Variants in CCDC158 observed in about 807,000 individuals in gnomAD.
CCDC158 encodes the protein coiled-coil domain-containing protein 158.
A neutral mutation model predicts 138.6 loss-of-function variants in CCDC158; 116 were observed. The observed-to-expected ratio is 0.84, with a 90% CI of 0.72 to 0.98. The LOEUF is 0.98. Ranked by LOEUF, CCDC158 falls within the 50% of genes least tolerant of loss-of-function variation. The probability of loss-of-function intolerance (pLI) is 0.00; values close to 1 mark genes in which losing one functional copy is unlikely to be tolerated. For synonymous variants in CCDC158, 436 were observed against 442.4 expected, an observed-to-expected ratio of 0.99 and a Z score of 0.18; for missense variants, 1,265 against 1,306.1, an observed-to-expected ratio of 0.97 and a Z score of 0.48.
chr4:76,351,849 T>C (rs772946405), intron 16 of CCDC158, 37 bp from the exon 17 acceptor site: 1 of 1,276,820 alleles, frequency 7.8e-7, no homozygotes, highest in Non-Finnish European at 1.1e-6. Context: ...TTATCTTGCA[T>C]TCTTTATGCA....
intron 13 of CCDC158, among the ~76,000 whole-genome samples, chr4:76,359,253 C>CT (rs1723891799): frequency 6.6e-6 from 1 of 152,160 alleles, no homozygotes; most frequent in Non-Finnish European, 1.5e-5. Context: ...TCACAAATTA[C>CT]TCATTCTCAG....
At position 76,357,331 on chromosome 4, in the gene CCDC158, A is replaced by C. The variant is rs984561291; in HGVS notation, c.2173+43T>G. On this transcript the variant is annotated intron_variant, in intron 14 of 24. Transcript: ENST00000682701. ...CTGTTTTAACAAATTTAGTCCATTA[A>C]ATTAAAAACAGAAGAAAAAATTTTA... The C allele has an allele frequency of 2.1e-6, 3 of 1,396,502 alleles. No individual in the cohort carries two copies. The African/African-American group carries it at 4.4e-5, about 20-fold the overall frequency. 86.5% of individuals were successfully genotyped at this position (1,396,502 alleles called of 1,614,324 possible).
At chr4:76,326,234 T>C (rs1720519223) in intron 22 of CCDC158, among the ~76,000 whole-genome samples, 1 of 152,110 alleles carries the variant, frequency 6.6e-6, no homozygotes, top group Non-Finnish European at 1.5e-5. Context: ...GATCCTGAGG[T>C]CTAGCTTCAA....
chr4:76,367,379 C>A lies in CCDC158; in HGVS notation c.1745G>T (p.Gly582Val). The A allele has an allele frequency of 1.2e-6, 2 of 1,614,238 alleles. No individual in the cohort carries two copies. Among genetic ancestry groups the A allele is most frequent in the South Asian group, 2.2e-5 (2 of 91,090 alleles). Residue 582 changes from glycine to valine, a missense_variant, in exon 12 of 25, where the codon GGA becomes GTA. Transcript: ENST00000682701. ...TACTTGCATAGCTCCAGCAGTTCGT[C>A]CATGCTGGCCCACCAGCTGTGTCAT... ...ENMTQLVGQH[G>V]RTAGAMQVEK... is the part of the protein sequence containing the mutation.
At chr4:76,330,392 A>G (rs1720907035) in intron 21 of CCDC158, among the ~76,000 whole-genome samples, 1 of 152,242 alleles carries the variant, frequency 6.6e-6, no homozygotes, top group Admixed American at 6.5e-5. Context: ...AAGAATTTTT[A>G]TTAAGAATAA....
At chr4:76,388,443 G>A (rs543430540) in intron 4 of CCDC158, among the ~76,000 whole-genome samples, 1 of 152,292 alleles carries the variant, frequency 6.6e-6, no homozygotes, top group South Asian at 2.1e-4. Flanking sequence ...CATCAGTGGT[G>A]GCCTGGCAGA....
intron 24 of CCDC158, among the ~76,000 whole-genome samples, chr4:76,321,685 T>C (rs1300957063): frequency 6.8e-6 from 1 of 146,706 alleles, no homozygotes; most frequent in Non-Finnish European, 1.5e-5. Flanking sequence ...TATATATATA[T>C]ATTTACATGG....
intron 13 of CCDC158, among the ~76,000 whole-genome samples, chr4:76,361,358 C>T (rs7663571): frequency 0.029 from 4,469 of 152,114 alleles, 220 homozygotes; most frequent in African/African-American, 0.1. Context: ...GTCAGGAGAT[C>T]GAGACCATCC....
intron 1 of CCDC158, among the ~76,000 whole-genome samples, chr4:76,420,602 C>T (rs1038712267): frequency 1.3e-5 from 2 of 152,226 alleles, no homozygotes; most frequent in African/African-American, 4.8e-5. Flanking sequence ...GCTGTCCTCT[C>T]TACCACCAAG....
intron 21 of CCDC158, among the ~76,000 whole-genome samples, chr4:76,329,784 A>G (rs1331269788): frequency 6.6e-6 from 1 of 152,132 alleles, no homozygotes; most frequent in Non-Finnish European, 1.5e-5. Context: ...TCATTATGAT[A>G]TCAGGTTGTT....
Position 76,384,222 on chromosome 4 carries a change from C to T in CCDC158, c.592G>A (p.Glu198Lys). 12 of 1,614,140 alleles carry T rather than the reference C, an allele frequency of 7.4e-6. No individual in the cohort carries two copies. The highest frequency in any genetic ancestry group is 1.0e-5 in the Non-Finnish European group (12 of 1,180,000). Residue 198 changes from glutamate to lysine, a missense_variant, in exon 6 of 25, where the codon GAA (glutamate) becomes AAA (lysine). Coordinates refer to ENST00000682701, the MANE Select transcript of CCDC158 (RefSeq NM_001394954.1). Reference sequence around the variant, plus strand: ...TCACATATTTTTTTGCCTGAGGCTTCTTCAAAGTCAACTAGGATTGACCGG... The same window carrying T: ...TCACATATTTTTTTGCCTGAGGCTTTTTCAAAGTCAACTAGGATTGACCGG... ...EIRSILVDFE[E>K]ASGKKICEHD...
At chr4:76,388,228 C>T (rs747332837) in intron 4 of CCDC158, among the ~76,000 whole-genome samples, 6 of 152,074 alleles carry the variant, frequency 3.9e-5, no homozygotes, top group Non-Finnish European at 8.8e-5. Flanking sequence ...GTCTTACACC[C>T]TAGGTACCAG....
chr4:76,329,453 G>A (rs111350755), intron 21 of CCDC158, among the ~76,000 whole-genome samples: 2,957 of 152,128 alleles, frequency 0.019, 92 homozygotes, highest in African/African-American at 0.065. Context: ...GCGAGGTGGC[G>A]GGAACCTGTA....
chr4:76,364,593 T>G (rs1190935012), intron 12 of CCDC158, among the ~76,000 whole-genome samples: 3 of 152,266 alleles, frequency 2.0e-5, no homozygotes, highest in Middle Eastern at 3.2e-3. Context: ...AATTTCACAT[T>G]TCTTTTATGT....
intron 1 of CCDC158, among the ~76,000 whole-genome samples, chr4:76,415,951 A>G (rs1014923862): frequency 2.6e-5 from 4 of 152,186 alleles, no homozygotes; most frequent in Admixed American, 1.3e-4. Context: ...GGAGGGCCTG[A>G]CAGGCCCGCC....
intron 4 of CCDC158, among the ~76,000 whole-genome samples, chr4:76,394,051 C>T (rs1363657354): frequency 6.6e-6 from 1 of 152,038 alleles, no homozygotes; most frequent in Non-Finnish European, 1.5e-5. Context: ...TTAGTACAGC[C>T]ACTATAAAGA....
chr4:76,315,219 C>A (rs973193448), intron 24 of CCDC158, among the ~76,000 whole-genome samples: 1 of 152,114 alleles, frequency 6.6e-6, no homozygotes, highest in East Asian at 1.9e-4. Flanking sequence ...ACTCCACTGG[C>A]CCAAGAACCA....
intron 21 of CCDC158, among the ~76,000 whole-genome samples, chr4:76,330,022 T>G (rs1720881374): frequency 1.3e-5 from 2 of 152,234 alleles, no homozygotes; most frequent in Non-Finnish European, 2.9e-5. Flanking sequence ...TTTCATAATT[T>G]CAGAATAAAG....
At chr4:76,418,004 C>G (rs1729831664) in intron 1 of CCDC158, among the ~76,000 whole-genome samples, 1 of 152,156 alleles carries the variant, frequency 6.6e-6, no homozygotes, top group Non-Finnish European at 1.5e-5. Flanking sequence ...CCTACACTAT[C>G]CTGAGAAGAT....
Sources: allele counts gnomAD v4.1 joint callset (sites outside exome capture counted in the v4.1 genomes callset), GRCh38; gene constraint gnomAD v4.1.1; transcripts MANE v1.5; gene names NCBI Gene and HGNC (gene_info 2026-07-23, HGNC 2026-07-21).